SOX5: variants seen among roughly 807,000 people sequenced by gnomAD.
SOX5 encodes the protein SRY-box transcription factor 5, also known as transcription factor SOX-5.
SOX5 carries 9 observed loss-of-function variants against 92.0 expected under a neutral mutation model. The observed-to-expected ratio is 0.10, with a 90% CI of 0.06 to 0.17. The LOEUF is 0.17. Among genes scored for constraint, SOX5 ranks in the 10% least tolerant of loss-of-function variants. SOX5 has a pLI of 1.00. For synonymous variants in SOX5, 344 were observed against 336.3 expected, an observed-to-expected ratio of 1.02 and a Z score of -0.25; for missense variants, 642 against 944.5, an observed-to-expected ratio of 0.68 and a Z score of 4.20.
At chr12:24,266,047 TGTGTGTGTGTG>T (rs1942971034) in intron 3 of SOX5, among the ~76,000 whole-genome samples, 2 of 99,400 alleles carry the variant, frequency 2.0e-5, no homozygotes, top group Non-Finnish European at 4.1e-5. Flanking sequence ...TGTGTGTGTG[TGTGTGTGTGTG>T]TGTGTGTGTG....
intron 1 of SOX5, among the ~76,000 whole-genome samples, chr12:24,424,866 C>G (rs995162785): frequency 7.1e-6 from 1 of 140,514 alleles, no homozygotes. Context: ...CACACACATA[C>G]AAAAAAATCC....
intron 6 of SOX5, among the ~76,000 whole-genome samples, chr12:23,727,930 C>T (rs905290708): frequency 6.6e-6 from 1 of 152,070 alleles, no homozygotes. Context: ...ACCTGTCAAT[C>T]CGTATGTCTG....
intron 4 of SOX5, among the ~76,000 whole-genome samples, chr12:23,958,783 G>T (rs1002250363): frequency 6.6e-6 from 1 of 150,532 alleles, no homozygotes; most frequent in African/African-American, 2.4e-5. Context: ...TGAGAATTTA[G>T]AATTAATTTG....
chr12:23,588,215 T>G (rs1951014783), intron 9 of SOX5, among the ~76,000 whole-genome samples: 1 of 151,990 alleles, frequency 6.6e-6, no homozygotes, highest in Non-Finnish European at 1.5e-5. Context: ...TAATATTAAA[T>G]TCAAGGTATG....
chr12:23,970,841 A>ATATATATTTTT lies in SOX5; in HGVS notation c.-1-74818_-1-74817insAAAAATATATA. ...ACATGGGACTTTATATATATATATA[A>ATATATATTTTT]TTTTTTTTTTTTTTTAAGAAATGGG... On this transcript the variant is annotated intron_variant, in intron 4 of 4. Transcript: ENST00000446891. Among the ~76,000 whole-genome samples, 30 of 21,882 alleles carry ATATATATTTTT rather than the reference A, an allele frequency of 1.4e-3. 9 individuals are homozygous for ATATATATTTTT. The highest frequency in any genetic ancestry group is 0.038 in the Middle Eastern group (1 of 26). 14.4% of individuals were successfully genotyped at this position (21,882 alleles called of 152,430 possible).
intron 4 of SOX5, chr12:24,212,608 C>A (rs1314345268): frequency 2.4e-6 from 1 of 411,756 alleles, no homozygotes; most frequent in Non-Finnish European, 4.8e-6. Context: ...AACCAAGACA[C>A]TTCCCTGGAC....
upstream of SOX5, among the ~76,000 whole-genome samples, chr12:23,952,581 A>G (rs1245982155): frequency 5.3e-5 from 8 of 152,360 alleles, no homozygotes; most frequent in East Asian, 5.8e-4. Flanking sequence ...TTTGACTTCA[A>G]TATATTCTGC....
At chr12:24,297,247 A>G (rs1297091167) in intron 2 of SOX5, among the ~76,000 whole-genome samples, 1 of 152,220 alleles carries the variant, frequency 6.6e-6, no homozygotes, top group African/African-American at 2.4e-5. Flanking sequence ...ATCTAATGTA[A>G]TGTACATTAC....
chr12:24,037,866 T>C (rs1354823027), intron 4 of SOX5, among the ~76,000 whole-genome samples: 1 of 152,146 alleles, frequency 6.6e-6, no homozygotes, highest in South Asian at 2.1e-4. Flanking sequence ...GCTGGAGTCC[T>C]AATGGTACTA....
At chr12:23,886,379 G>A (rs1404088433) in intron 2 of SOX5, among the ~76,000 whole-genome samples, 2 of 152,098 alleles carry the variant, frequency 1.3e-5, no homozygotes, top group Non-Finnish European at 2.9e-5. Context: ...CCCTTTTAAA[G>A]TACAATAGGT....
At chr12:23,922,810 C>G (rs980089930) in intron 1 of SOX5, among the ~76,000 whole-genome samples, 1 of 152,178 alleles carries the variant, frequency 6.6e-6, no homozygotes, top group Non-Finnish European at 1.5e-5. Flanking sequence ...TTAGCTGACG[C>G]ACTCACAATC....
intron 1 of SOX5, among the ~76,000 whole-genome samples, chr12:24,533,972 A>T (rs895258184): frequency 6.6e-6 from 1 of 152,206 alleles, no homozygotes; most frequent in Non-Finnish European, 1.5e-5. Context: ...TTGACATCCT[A>T]TGGGGTCCAA....
chr12:24,406,332 G>A (rs1486308457), intron 1 of SOX5, among the ~76,000 whole-genome samples: 1 of 152,108 alleles, frequency 6.6e-6, no homozygotes, highest in East Asian at 1.9e-4. Context: ...AAGCTGCGTG[G>A]GTCCATCGGA....
intron 7 of SOX5, among the ~76,000 whole-genome samples, chr12:23,652,690 T>C (rs1236968910): frequency 6.6e-6 from 1 of 151,974 alleles, no homozygotes; most frequent in South Asian, 2.1e-4. Context: ...GTAACCTTGA[T>C]TTCTCCATCC....
chr12:23,877,450 A>G (rs76242788), intron 2 of SOX5, among the ~76,000 whole-genome samples: 2 of 152,218 alleles, frequency 1.3e-5, no homozygotes, highest in Non-Finnish European at 2.9e-5. Context: ...CCTCCTTTCT[A>G]TGTAGTCCTA....
intron 3 of SOX5, among the ~76,000 whole-genome samples, chr12:23,780,872 T>C (rs1228127996): frequency 6.6e-6 from 1 of 151,588 alleles, no homozygotes; most frequent in African/African-American, 2.4e-5. Flanking sequence ...TGGTAGGGAG[T>C]GGCAGTAATG....
At chr12:23,631,999 A>G (rs1301805472) in intron 8 of SOX5, 4 of 152,156 alleles carry the variant, frequency 2.6e-5, no homozygotes, top group African/African-American at 7.2e-5. Context: ...TCTAGCCCAT[A>G]TGGGCTTGGA....
At chr12:23,803,488 AC>A (rs2142212574) in intron 3 of SOX5, among the ~76,000 whole-genome samples, 1 of 152,132 alleles carries the variant, frequency 6.6e-6, no homozygotes, top group South Asian at 2.1e-4. Context: ...AAAGCCAAAA[AC>A]CCCATTTAGC....
At chr12:23,968,844 T>C (rs941354702) in intron 4 of SOX5, among the ~76,000 whole-genome samples, 2 of 152,194 alleles carry the variant, frequency 1.3e-5, no homozygotes. Flanking sequence ...CGCTCAACCT[T>C]TGAATCTTCG....
Sources: gnomAD v4.1 joint callset for allele counts (sites outside exome capture counted in the v4.1 genomes callset) on GRCh38, gnomAD v4.1.1 for gene constraint, MANE v1.5 for transcripts, NCBI Gene and HGNC (gene_info 2026-07-23, HGNC 2026-07-21) for gene names.